ROR1: variants seen among roughly 807,000 people sequenced by gnomAD.
ROR1 encodes inactive tyrosine-protein kinase transmembrane receptor ROR1.
ROR1 carries 19 observed loss-of-function variants against 78.8 expected under a neutral mutation model. The observed-to-expected ratio is 0.24, with a 90% CI of 0.17 to 0.35. The LOEUF is 0.35. Among genes scored for constraint, ROR1 ranks in the 10% least tolerant of loss-of-function variants. The pLI is 1.00. For missense variants in ROR1, 917 were observed against 1,177.8 expected (o/e 0.78, Z 3.24); for synonymous variants, 386 against 433.6 (o/e 0.89, Z 1.36).
At chr1:63,948,042 T>C (rs1645904300) in intron 1 of ROR1, among the ~76,000 whole-genome samples, 1 of 152,176 alleles carries the variant, frequency 6.6e-6, no homozygotes, top group African/African-American at 2.4e-5. Flanking sequence ...TTCTCCACTT[T>C]ACAGAGAAAA....
At chr1:63,968,066 T>G (rs1428472181) in intron 1 of ROR1, among the ~76,000 whole-genome samples, 1 of 152,220 alleles carries the variant, frequency 6.6e-6, no homozygotes, top group Non-Finnish European at 1.5e-5. Context: ...TGCATACTTC[T>G]GCATCTGTTT....
At chr1:64,022,736 A>G (rs572770912) in intron 2 of ROR1, among the ~76,000 whole-genome samples, 1 of 152,316 alleles carries the variant, frequency 6.6e-6, no homozygotes, top group African/African-American at 2.4e-5. Context: ...ATTGACTTGA[A>G]TATATGTCTC....
chr1:63,939,630 C>T (rs1456427653), intron 1 of ROR1, among the ~76,000 whole-genome samples: 2 of 152,156 alleles, frequency 1.3e-5, no homozygotes, highest in African/African-American at 4.8e-5. Flanking sequence ...TCTGATTTTA[C>T]AGTTCGCCAG....
intron 1 of ROR1, among the ~76,000 whole-genome samples, chr1:63,854,807 T>A (rs1645138412): frequency 1.3e-5 from 2 of 152,192 alleles, no homozygotes; most frequent in South Asian, 4.1e-4. Flanking sequence ...TCCAGGACCC[T>A]GATGGATGCC....
chr1:63,857,135 T>C lies in ROR1; in HGVS notation c.91+82627T>C, dbSNP rs538097179. 5.3e-5 allele frequency among the ~76,000 whole-genome samples: 8 copies of C among 151,578 alleles called. No homozygotes were observed. In the South Asian group the frequency reaches 1.2e-3, roughly 24 times the overall value. On this transcript the variant is annotated intron_variant, in intron 1 of 8. Coordinates refer to ENST00000371079, the MANE Select transcript of ROR1 (RefSeq NM_005012.4). ...AATAGGATTCAATTTTCAAAGTATC[T>C]GTTGTTGAACAACTTTCAGAAGTTT...
chr1:64,155,381 A>G (rs752079852), intron 7 of ROR1, among the ~76,000 whole-genome samples: 1 of 152,104 alleles, frequency 6.6e-6, no homozygotes, highest in Non-Finnish European at 1.5e-5. Flanking sequence ...AGCACTTTGT[A>G]TGGAAGACTT....
chr1:63,863,771 GTATTGTATTGTATT>G (rs1645197395), intron 1 of ROR1, among the ~76,000 whole-genome samples: 1 of 150,124 alleles, frequency 6.7e-6, no homozygotes, highest in South Asian at 2.1e-4. Flanking sequence ...GTATTGTATT[GTATTGTATTGTATT>G]GTATTGTATT....
chr1:63,958,164 A>T (rs991826121), intron 1 of ROR1, among the ~76,000 whole-genome samples: 1 of 152,202 alleles, frequency 6.6e-6, no homozygotes, highest in Non-Finnish European at 1.5e-5. Flanking sequence ...TCTTACTGAC[A>T]TGAATTATTT....
intron 1 of ROR1, among the ~76,000 whole-genome samples, chr1:63,950,972 C>G (rs1479653249): frequency 6.6e-6 from 1 of 152,186 alleles, no homozygotes; most frequent in Non-Finnish European, 1.5e-5. Context: ...TCGAACAATA[C>G]TCTTTACTAC....
chr1:63,854,087 T>C (rs1469199554), intron 1 of ROR1, among the ~76,000 whole-genome samples: 2 of 152,224 alleles, frequency 1.3e-5, no homozygotes, highest in Non-Finnish European at 2.9e-5. Flanking sequence ...GCTTTGTATA[T>C]TGCATAGTGC....
At chr1:64,025,335 C>T (rs755032137) in intron 2 of ROR1, among the ~76,000 whole-genome samples, 3 of 152,074 alleles carry the variant, frequency 2.0e-5, no homozygotes, top group African/African-American at 4.8e-5. Context: ...GGTGGTTCCT[C>T]GCTTCTGTAC....
At chr1:64,131,861 C>T (rs1396806559) in intron 4 of ROR1, among the ~76,000 whole-genome samples, 1 of 148,208 alleles carries the variant, frequency 6.7e-6, no homozygotes, top group Non-Finnish European at 1.5e-5. Flanking sequence ...CTCAAGCAAT[C>T]CTCCCAACCT....
intron 1 of ROR1, among the ~76,000 whole-genome samples, chr1:63,837,409 A>C (rs537761006): frequency 6.6e-6 from 1 of 152,132 alleles, no homozygotes; most frequent in Admixed American, 6.5e-5. Flanking sequence ...AAAGTTCCCT[A>C]TGTAGTTTGT....
chr1:63,838,375 C>T (rs61765125), intron 1 of ROR1, among the ~76,000 whole-genome samples: 5,386 of 151,888 alleles, frequency 0.035, 151 homozygotes, highest in Middle Eastern at 0.11. Flanking sequence ...CTGTTATTGC[C>T]CCTTGAAGAG....
intron 1 of ROR1, among the ~76,000 whole-genome samples, chr1:63,873,521 G>T (rs1324205172): frequency 6.6e-6 from 1 of 152,034 alleles, no homozygotes; most frequent in Non-Finnish European, 1.5e-5. Flanking sequence ...CTGTCTCTTC[G>T]TAGATTCATT....
At chr1:63,906,595 G>T (rs920775969) in intron 1 of ROR1, among the ~76,000 whole-genome samples, 1 of 152,144 alleles carries the variant, frequency 6.6e-6, no homozygotes, top group Non-Finnish European at 1.5e-5. Flanking sequence ...TTACCCAGGT[G>T]CATCTGGGTG....
intron 1 of ROR1, among the ~76,000 whole-genome samples, chr1:63,936,067 A>G (rs1245179611): frequency 6.6e-6 from 1 of 152,224 alleles, no homozygotes; most frequent in Non-Finnish European, 1.5e-5. Flanking sequence ...ACACACTGGC[A>G]TCCCAGTGGC....
chr1:63,851,230 G>A (rs1369539003), intron 1 of ROR1, among the ~76,000 whole-genome samples: 3 of 152,064 alleles, frequency 2.0e-5, no homozygotes, highest in Non-Finnish European at 2.9e-5. Context: ...CGCTAGCCTC[G>A]GCCTCCTAAA....
intron 1 of ROR1, among the ~76,000 whole-genome samples, chr1:63,919,780 G>A (rs1425271664): frequency 6.6e-6 from 1 of 152,162 alleles, no homozygotes; most frequent in Admixed American, 6.5e-5. Flanking sequence ...TAGCACAGCT[G>A]TCAGCACTTA....
Sources: gnomAD v4.1 joint callset for allele counts (sites outside exome capture counted in the v4.1 genomes callset) on GRCh38, gnomAD v4.1.1 for gene constraint, MANE v1.5 for transcripts, NCBI Gene and HGNC (gene_info 2026-07-23, HGNC 2026-07-21) for gene names.